Variants in KCNQ5 observed in about 807,000 individuals in gnomAD.
The protein encoded by KCNQ5 is potassium voltage-gated channel subfamily KQT member 5.
In KCNQ5, 30 loss-of-function variants were observed where a neutral mutation model predicts 98.2. That is an observed-to-expected ratio of 0.31 (90% confidence interval 0.23 to 0.41). The LOEUF (loss-of-function observed/expected upper bound fraction) is 0.41, where lower values mean the gene tolerates loss of function less well. KCNQ5 is among the 10% of genes least tolerant of loss of function. KCNQ5 has a pLI of 1.00. For synonymous variants in KCNQ5, 458 were observed against 449.4 expected, an observed-to-expected ratio of 1.02 and a Z score of -0.24; for missense variants, 835 against 1,182.5, an observed-to-expected ratio of 0.71 and a Z score of 4.31.
chr6:73,122,858 CTT>C (rs1775799089), intron 8 of KCNQ5, among the ~76,000 whole-genome samples: 2 of 152,180 alleles, frequency 1.3e-5, no homozygotes, highest in Non-Finnish European at 2.9e-5. Context: ...ACAAAGCAAA[CTT>C]GCTTTAATCA....
At chr6:72,835,395 G>A (rs1014876038) in intron 1 of KCNQ5, among the ~76,000 whole-genome samples, 9 of 151,970 alleles carry the variant, frequency 5.9e-5, no homozygotes, top group Admixed American at 3.9e-4. Flanking sequence ...TATATTGGTC[G>A]AGGCCATTTT....
At position 72,987,181 on chromosome 6, in the gene KCNQ5, A is replaced by G. The variant is rs1582143521; in HGVS notation, c.399-16727A>G. ...AAGATGAAGTCCAAGAAGGTAGAGCAGCCAATCATTGAGGAGCCGGCTCTG... is the reference window on the plus strand; with the variant it reads ...AAGATGAAGTCCAAGAAGGTAGAGCGGCCAATCATTGAGGAGCCGGCTCTG... On this transcript the variant is annotated intron_variant, in intron 1 of 13. Transcript: ENST00000370398. The G allele has an allele frequency of 1.5e-5, 10 of 683,558 alleles. 1 individual carries two copies. The East Asian group carries it at 2.8e-4, about 19-fold the overall frequency. 42.3% of individuals were successfully genotyped at this position (683,558 alleles called of 1,614,324 possible).
At chr6:72,692,175 G>A (rs1489194407) in intron 1 of KCNQ5, among the ~76,000 whole-genome samples, 4 of 152,176 alleles carry the variant, frequency 2.6e-5, no homozygotes, top group Admixed American at 6.5e-5. Context: ...GCATCTGCTC[G>A]ATGCCAGGTG....
chr6:72,913,098 A>T (rs1232215206), intron 1 of KCNQ5, among the ~76,000 whole-genome samples: 1 of 152,198 alleles, frequency 6.6e-6, no homozygotes, highest in Non-Finnish European at 1.5e-5. Flanking sequence ...ATTCTCATTT[A>T]TGATATATAC....
chr6:73,069,364 T>C (rs1235125625), intron 3 of KCNQ5, among the ~76,000 whole-genome samples: 2 of 152,162 alleles, frequency 1.3e-5, no homozygotes, highest in South Asian at 2.1e-4. Context: ...CTGCAAAATA[T>C]GGGAGATTAA....
At chr6:73,150,689 A>C (rs899095957) in intron 10 of KCNQ5, among the ~76,000 whole-genome samples, 3 of 151,570 alleles carry the variant, frequency 2.0e-5, no homozygotes, top group Admixed American at 1.3e-4. Context: ...AAGATGAGTG[A>C]AGTATTGATA....
At chr6:72,957,003 A>G (rs1562092657) in intron 1 of KCNQ5, among the ~76,000 whole-genome samples, 1 of 152,266 alleles carries the variant, frequency 6.6e-6, no homozygotes, top group East Asian at 1.9e-4. Context: ...GGCCCGTTGC[A>G]TTACAGTGCC....
At chr6:72,933,751 G>T (rs1765784829) in intron 1 of KCNQ5, among the ~76,000 whole-genome samples, 2 of 152,062 alleles carry the variant, frequency 1.3e-5, no homozygotes, top group African/African-American at 4.8e-5. Context: ...TTACACTGAG[G>T]TCATGTGTCT....
At chr6:73,037,864 C>A (rs1027213355) in intron 2 of KCNQ5, among the ~76,000 whole-genome samples, 4 of 152,044 alleles carry the variant, frequency 2.6e-5, no homozygotes, top group Non-Finnish European at 2.9e-5. Flanking sequence ...AGGTCCTGTG[C>A]ATTTCCATAT....
At chr6:73,082,519 A>G (rs868233044) in intron 5 of KCNQ5, among the ~76,000 whole-genome samples, 10 of 152,012 alleles carry the variant, frequency 6.6e-5, no homozygotes, top group East Asian at 3.9e-4. Flanking sequence ...TGGAATGAGG[A>G]AAAAAAATGG....
chr6:72,878,551 G>T (rs1280564662), intron 1 of KCNQ5, among the ~76,000 whole-genome samples: 1 of 152,066 alleles, frequency 6.6e-6, no homozygotes, highest in East Asian at 1.9e-4. Flanking sequence ...TACTCTTCAA[G>T]GAGTCCTGGC....
intron 1 of KCNQ5, among the ~76,000 whole-genome samples, chr6:72,786,953 C>T (rs964432339): frequency 1.5e-5 from 2 of 136,172 alleles, no homozygotes; most frequent in African/African-American, 5.5e-5. Context: ...TGCAGTGAGC[C>T]GAGATTGTGC....
chr6:73,018,185 A>G (rs1041134451), intron 2 of KCNQ5, among the ~76,000 whole-genome samples: 1 of 152,152 alleles, frequency 6.6e-6, no homozygotes, highest in African/African-American at 2.4e-5. Context: ...TTACACCTCT[A>G]TAAGTCTGGA....
chr6:73,154,673 G>A (rs1051713277), intron 10 of KCNQ5, among the ~76,000 whole-genome samples: 25 of 151,984 alleles, frequency 1.6e-4, no homozygotes, highest in Admixed American at 2.0e-4. Flanking sequence ...AAATAAACAC[G>A]CAGCATACTA....
intron 1 of KCNQ5, among the ~76,000 whole-genome samples, chr6:72,714,764 T>A (rs1193560253): frequency 6.6e-6 from 1 of 152,192 alleles, no homozygotes; most frequent in African/African-American, 2.4e-5. Flanking sequence ...ACTGCTAATG[T>A]CAAGGCAGTT....
chr6:73,179,095 G>A (rs779782558), intron 11 of KCNQ5, among the ~76,000 whole-genome samples: 106 of 152,194 alleles, frequency 7.0e-4, no homozygotes, highest in Non-Finnish European at 7.3e-4. Context: ...ATTTCTCATG[G>A]AGAGTCAGAA....
Position 72,890,117 on chromosome 6 carries a change from C to T in KCNQ5, c.399-113791C>T, listed in dbSNP as rs538111330. 1.7e-3 allele frequency among the ~76,000 whole-genome samples: 254 copies of T among 152,260 alleles called. 2 individuals carry two copies. The highest frequency in any genetic ancestry group is 3.2e-3 in the Non-Finnish European group (221 of 68,024). On this transcript the variant is annotated intron_variant, in intron 1 of 13. Transcript: ENST00000370398. ...GTTTGTTTCTCTTTTTAGAAAAGCT[C>T]TGTTGAAACATAATTGATATATTTA...
intron 1 of KCNQ5, among the ~76,000 whole-genome samples, chr6:72,923,530 CTTCTT>C (rs1225255463): frequency 6.6e-6 from 1 of 152,130 alleles, no homozygotes; most frequent in Non-Finnish European, 1.5e-5. Context: ...ATTTGTGTGT[CTTCTT>C]TTGAGAAATT....
chr6:73,182,344 C>G (rs912179817), intron 11 of KCNQ5, among the ~76,000 whole-genome samples: 6 of 152,188 alleles, frequency 3.9e-5, no homozygotes, highest in African/African-American at 9.7e-5. Flanking sequence ...CTACCTGGCC[C>G]TTTATAGAAG....
Sources: gnomAD v4.1 joint callset for allele counts (sites outside exome capture counted in the v4.1 genomes callset) on GRCh38, gnomAD v4.1.1 for gene constraint, MANE v1.5 for transcripts, NCBI Gene and HGNC (gene_info 2026-07-23, HGNC 2026-07-21) for gene names.